Variants in BRD1 observed in about 807,000 individuals in gnomAD.
BRD1 encodes the protein bromodomain containing 1.
In BRD1, 24 loss-of-function variants were observed where a neutral mutation model predicts 107.7. That is an observed-to-expected ratio of 0.22 (90% CI 0.16 to 0.31). The LOEUF is 0.31. Ranked by LOEUF, BRD1 falls within the 10% of genes least tolerant of loss-of-function variation. BRD1 has a pLI of 1.00. For synonymous variants in BRD1, 744 were observed against 686.1 expected (o/e 1.08, Z -1.32); for missense variants, 1,279 against 1,638.6 (o/e 0.78, Z 3.79).
rs1008651753 is a variant in BRD1, at chr22:49,824,520, G to C, written c.-14-189C>G. The C allele has an allele frequency of 6.4e-6, 9 of 1,412,576 alleles. No individual in the cohort carries two copies. In the African/African-American group the frequency reaches 1.2e-4, roughly 18 times the overall value. The allele number at this position is 1,412,576 out of a possible 1,614,324, so 87.5% of individuals were successfully genotyped here. On this transcript the variant is annotated intron_variant, in intron 1 of 12. Coordinates refer to ENST00000404760, the MANE Select transcript of BRD1 (RefSeq NM_001304808.3). The surrounding 1 kb of genome is among the most constrained non-coding windows in gnomAD (Gnocchi z 5.9). ...GCCTGAGCGAGTCCCCAGGACCAGG[G>C]AGGGAGCAGCAGTAACAGGCAGAGA...
rs1007275460 is a variant in BRD1, at chr22:49,783,040, G to T, written c.2857+4350C>A. ...GTCAGAGACAGACCCAAGGCCCATC[G>T]TGCTGGGACTCGCTCCGTGACAATG... On this transcript the variant is annotated intron_variant, in intron 8 of 12. Transcript: ENST00000404760. The surrounding 1 kb of genome is among the most constrained non-coding windows in gnomAD (Gnocchi z 4.2). Among the ~76,000 whole-genome samples the T allele has an allele frequency of 6.7e-6, 1 of 149,618 alleles. No individual in the cohort carries two copies. Among genetic ancestry groups the T allele is most frequent in the African/African-American group, 2.5e-5 (1 of 40,508 alleles).
rs778589209 is a variant in BRD1 at position 49,824,418 on chromosome 22, G to C, written c.-14-87C>G. 1 of 1,514,878 alleles carries C rather than the reference G, an allele frequency of 6.6e-7. No individual in the cohort carries two copies. Among genetic ancestry groups the C allele is most frequent in the African/African-American group, 1.4e-5 (1 of 72,054 alleles). The allele number at this position is 1,514,878 out of a possible 1,614,324, so 93.8% of individuals were successfully genotyped here. On this transcript the variant is annotated intron_variant, in intron 1 of 12. Coordinates refer to ENST00000404760, the MANE Select transcript of BRD1 (RefSeq NM_001304808.3). The surrounding 1 kb of genome is among the most constrained non-coding windows in gnomAD (Gnocchi z 5.9). ...ACAAAAGCATGCTTGGACAGATCTA[G>C]CTCAGCAGCTCAAAGCCCAATCAAA...
rs536603299 is a variant in BRD1, at chr22:49,799,135, A to G, written c.1525-16T>C. ...CATTTTCTCTCTGAGAACAGTGAAC[A>G]CTTCCGTCAGTCAAACCCAGAGGCT... On this transcript the variant is annotated splice_polypyrimidine_tract_variant and intron_variant, in intron 3 of 12. Transcript: ENST00000404760. 2.7e-5 allele frequency: 43 copies of G among 1,600,818 alleles called. No homozygotes were observed. Among genetic ancestry groups the G allele is most frequent in the Admixed American group, 3.3e-5 (2 of 59,784 alleles).
chr22:49,821,754 T>C (rs191359879), intron 2 of BRD1, among the ~76,000 whole-genome samples: 2 of 152,284 alleles, frequency 1.3e-5, no homozygotes, highest in Non-Finnish European at 2.9e-5. Flanking sequence ...CCCTCACATG[T>C]GGGGCAGGTC....
chr22:49,811,273 G>C (rs952672920), intron 2 of BRD1, among the ~76,000 whole-genome samples: 2 of 152,192 alleles, frequency 1.3e-5, no homozygotes, highest in African/African-American at 4.8e-5. Flanking sequence ...TTGGGGTAAT[G>C]GCTAAGAGGC....
At chr22:49,811,525 G>C (rs1177409148) in intron 2 of BRD1, among the ~76,000 whole-genome samples, 2 of 152,196 alleles carry the variant, frequency 1.3e-5, no homozygotes, top group Admixed American at 6.5e-5. Flanking sequence ...AGCGGGTTAA[G>C]GTGCAGGCAG....
At chr22:49,804,117 A>C in intron 3 of BRD1, 87 bp downstream of exon 3, 1 of 1,253,832 alleles carries the variant, frequency 8.0e-7, no homozygotes, top group Non-Finnish European at 1.1e-6. Context: ...AGGGGGCAGC[A>C]CCGTGACCAG....
chr22:49,807,100 C>G (rs1455548457), intron 2 of BRD1: 1 of 151,990 alleles, frequency 6.6e-6, no homozygotes, highest in Non-Finnish European at 1.5e-5. Flanking sequence ...TTTGTTAAGC[C>G]CAGTCTACAT....
At chr22:49,805,318 C>T (rs2059720492) in intron 2 of BRD1, 2 of 152,278 alleles carry the variant, frequency 1.3e-5, no homozygotes, top group Admixed American at 6.5e-5. Context: ...AGAACACTCA[C>T]CAGACCCAGA....
intron 2 of BRD1, among the ~76,000 whole-genome samples, chr22:49,816,719 T>C (rs2059959601): frequency 6.6e-6 from 1 of 152,178 alleles, no homozygotes; most frequent in African/African-American, 2.4e-5. Flanking sequence ...GACAACATAG[T>C]GAGACCCTGT....
intron 8 of BRD1, among the ~76,000 whole-genome samples, chr22:49,780,825 T>C (rs2059192412): frequency 6.6e-6 from 1 of 152,164 alleles, no homozygotes; most frequent in Admixed American, 6.5e-5. Context: ...GCCCAGAACA[T>C]TCTGAAGCCC....
rs2059034308 is a variant in BRD1, at chr22:49,774,072, A to G, written c.*161T>C. The G allele has an allele frequency of 3.0e-6, 3 of 1,008,174 alleles. No individual in the cohort carries two copies. The highest frequency in any genetic ancestry group is 2.8e-6 in the Non-Finnish European group (2 of 713,842). The allele number at this position is 1,008,174 out of a possible 1,614,324, so 62.5% of individuals were successfully genotyped here. ...CCCCACTCACAGCGCCCAGACGGAG[A>G]TGGGTTCCTAGAAAACTTGGAAATA... is the stretch of plus-strand genomic sequence containing the variant. On this transcript the variant is annotated 3_prime_UTR_variant, in exon 13 of 13. Transcript: ENST00000404760.
At chr22:49,788,416 A>G (rs1244225703) in intron 7 of BRD1, among the ~76,000 whole-genome samples, 1 of 152,206 alleles carries the variant, frequency 6.6e-6, no homozygotes, top group African/African-American at 2.4e-5. Flanking sequence ...ATGATTTTCA[A>G]GAAAGGCAGG....
intron 9 of BRD1, 142 bp downstream of exon 9, chr22:49,777,536 G>T: frequency 8.7e-7 from 1 of 1,143,222 alleles, no homozygotes; most frequent in South Asian, 1.5e-5. Context: ...GTCCACAAGG[G>T]CAGAGCACAC....
chr22:49,812,324 T>C lies in BRD1; in HGVS notation c.1368-7964A>G, dbSNP rs2059865933. Among the ~76,000 whole-genome samples, 2 of 152,230 alleles carry C rather than the reference T, an allele frequency of 1.3e-5. 1 individual carries two copies. Among genetic ancestry groups the C allele is most frequent in the Non-Finnish European group, 2.9e-5 (2 of 68,042 alleles). On this transcript the variant is annotated intron_variant, in intron 2 of 12. Transcript: ENST00000404760. ...TAGCTAAAAACAAAAATGCTAATTT[T>C]AAGAAGTACTATATTAACAAGTGCC... is the stretch of plus-strand genomic sequence containing the variant.
At chr22:49,784,846 G>A (rs1169972974) in intron 8 of BRD1, among the ~76,000 whole-genome samples, 1 of 152,184 alleles carries the variant, frequency 6.6e-6, no homozygotes, top group Admixed American at 6.5e-5. Context: ...CCACAGCAGT[G>A]GAATGCCTCC....
At chr22:49,818,132 G>T in intron 2 of BRD1, 8 of 808,360 alleles carry the variant, frequency 9.9e-6, no homozygotes, top group Non-Finnish European at 1.2e-5. Context: ...TGACACCAGT[G>T]AAGGCGGGAG....
At chr22:49,785,910 G>A (rs1457106245) in intron 8 of BRD1, among the ~76,000 whole-genome samples, 3 of 152,278 alleles carry the variant, frequency 2.0e-5, no homozygotes, top group Non-Finnish European at 2.9e-5. Flanking sequence ...CTCCCCGGAC[G>A]CTTCAGGCCA....
intron 7 of BRD1, among the ~76,000 whole-genome samples, 197 bp from the exon 8 acceptor site, chr22:49,788,084 C>T (rs552571331): frequency 1.3e-5 from 2 of 152,204 alleles, no homozygotes; most frequent in African/African-American, 2.4e-5. Context: ...CCAAAGGCTG[C>T]GGCCCTGGGT....
Sources: gnomAD v4.1 joint callset for allele counts (sites outside exome capture counted in the v4.1 genomes callset) on GRCh38, gnomAD v4.1.1 for gene constraint, Gnocchi (gnomAD v3.1) non-coding constraint, MANE v1.5 for transcripts, NCBI Gene and HGNC (gene_info 2026-07-23, HGNC 2026-07-21) for gene names.